Variants in SETDB1 observed in about 807,000 individuals in gnomAD.
SETDB1 encodes SET domain bifurcated histone lysine methyltransferase 1.
A neutral mutation model predicts 137.4 loss-of-function variants in SETDB1; 31 were observed. The ratio of observed to expected loss-of-function variants is 0.23; its 90% CI spans 0.17 to 0.30. The LOEUF is 0.30. Ranked by LOEUF, SETDB1 falls within the 10% of genes least tolerant of loss-of-function variation. The probability of loss-of-function intolerance (pLI) is 1.00; values close to 1 mark genes in which losing one functional copy is unlikely to be tolerated. For synonymous variants in SETDB1, 548 were observed against 579.9 expected (o/e 0.95, Z 0.79); for missense variants, 1,113 against 1,631.5 (o/e 0.68, Z 5.47).
At chr1:150,935,117 G>A (rs1189136312) in intron 3 of SETDB1, among the ~76,000 whole-genome samples, 1 of 152,178 alleles carries the variant, frequency 6.6e-6, no homozygotes, top group Non-Finnish European at 1.5e-5. Context: ...CACTGTGCCC[G>A]GCCCTACCTG....
chr1:150,936,410 G>T lies in SETDB1; in HGVS notation c.413-3530G>T, dbSNP rs781744534. ...GCGAATGCATTCAGAGTTACATTTA[G>T]TTCTGACGTCTCCCTTGGCTTTGAC... is the stretch of plus-strand genomic sequence containing the variant. On this transcript the variant is annotated intron_variant, in intron 3 of 21. Coordinates refer to ENST00000692827, the MANE Select transcript of SETDB1 (RefSeq NM_001366418.1). Among the ~76,000 whole-genome samples the T allele has an allele frequency of 3.3e-4, 50 of 152,138 alleles. 2 individuals carry two copies. The highest frequency in any genetic ancestry group is 8.3e-4 in the South Asian group (4 of 4,832).
At chr1:150,952,654 G>A (rs587626061) in intron 14 of SETDB1, among the ~76,000 whole-genome samples, 235 of 151,888 alleles carry the variant, frequency 1.5e-3, no homozygotes, top group African/African-American at 5.5e-3. Context: ...TGAGGCGGGC[G>A]GATCACCTGA....
rs141840418 is a variant in SETDB1, at chr1:150,927,954, A to T, written c.240A>T (p.Gln80His). ...AATCTGAGGTGGCTCACGTTGACCA[A>T]CTCTTTGATGATGCATCCAGGTGAG... is the stretch of plus-strand genomic sequence containing the variant. ...QKESEVAHVD[Q>H]LFDDASRAVT... Residue 80 changes from glutamine (Q) to histidine (H), a missense_variant, in exon 2 of 22, where the codon CAA becomes CAT. This residue lies in a region of SETDB1 where 159 missense variants were observed against 188.6 expected (regional missense o/e 0.84). Coordinates refer to ENST00000692827, the MANE Select transcript of SETDB1 (RefSeq NM_001366418.1). 2.2e-5 allele frequency: 36 copies of T among 1,614,002 alleles called. No individual in the cohort carries two copies. The highest frequency in any genetic ancestry group is 3.3e-5 in the Admixed American group (2 of 59,984).
chr1:150,941,318 C>T lies in SETDB1; in HGVS notation c.448-11C>T, dbSNP rs1222399823. On this transcript the variant is annotated splice_polypyrimidine_tract_variant and intron_variant, in intron 4 of 21. Coordinates refer to ENST00000692827, the MANE Select transcript of SETDB1 (RefSeq NM_001366418.1). The stretch of plus-strand genomic sequence containing the variant: ...TTTCAAAACTTGTTTTCCTCATCCC[C>T]TTTTCTACAGCTCCGTGAAGCTATG... 8.8e-6 allele frequency: 14 copies of T among 1,583,122 alleles called. No individual in the cohort carries two copies. Among genetic ancestry groups the T allele is most frequent in the Non-Finnish European group, 1.2e-5 (14 of 1,152,922 alleles).
rs1243552842 is a variant in SETDB1 at position 150,963,025 on chromosome 1, A to G, written c.3346A>G (p.Ser1116Gly). 2 of 1,614,186 alleles carry G rather than the reference A, an allele frequency of 1.2e-6. No individual in the cohort carries two copies. Among genetic ancestry groups the G allele is most frequent in the South Asian group, 1.1e-5 (1 of 91,090 alleles). ...STESEGESGT[S>G]RKPTAGQTSA... ...AGAAAGTGAGGGGGAAAGTGGGACCAGCCGAAAGCCCACTGCTGGTCAGAC... is the reference window on the plus strand; with the variant it reads ...AGAAAGTGAGGGGGAAAGTGGGACCGGCCGAAAGCCCACTGCTGGTCAGAC... The change falls in exon 19 of 22, where the codon AGC (serine) becomes GGC (glycine). Residue 1116 changes from serine to glycine, a missense_variant. Physicochemically the swap from Ser to Gly is moderately conservative, Grantham distance 56 (BLOSUM62 0). Transcript: ENST00000692827.
Position 150,942,894 on chromosome 1 carries a change from A to G in SETDB1, c.716A>G (p.Lys239Arg), listed in dbSNP as rs1670207649. Residue 239 changes from lysine to arginine, a missense_variant, in exon 7 of 22, where the codon AAG becomes AGG. Lys to Arg is a conservative substitution (Grantham distance 26, BLOSUM62 2). Transcript: ENST00000692827. ...AAGGTGAAATTTGACAACAAAGGAA[A>G]GAGTCTACTGTCGGGGAACCATATT... ...KYKVKFDNKG[K>R]SLLSGNHIAY... The G allele has an allele frequency of 6.2e-7, 1 of 1,614,230 alleles. No individual in the cohort carries two copies.
intron 14 of SETDB1, among the ~76,000 whole-genome samples, chr1:150,956,567 C>T (rs1219473668): frequency 6.6e-6 from 1 of 152,118 alleles, no homozygotes; most frequent in Non-Finnish European, 1.5e-5. Flanking sequence ...CCCCCATGTC[C>T]CCAGTGGGGT....
Position 150,964,065 on chromosome 1 carries a change from T to C in SETDB1, c.3743T>C (p.Val1248Ala). ...ACCCATGATCTTCGCTTCCCCTGGG[T>C]GGCCTTCTTTGCCAGCAAGTAAGGA... The part of the protein sequence containing the change: ...VDTHDLRFPW[V>A]AFFASKRIRA... The change falls in exon 21 of 22, where the codon GTG (valine) becomes GCG (alanine). Residue 1248 changes from valine (V) to alanine (A), a missense_variant. By Grantham distance (64) the Val-to-Ala change is moderately conservative. Transcript: ENST00000692827. 1 of 1,614,078 alleles carries C rather than the reference T, an allele frequency of 6.2e-7. No individual in the cohort carries two copies. Among genetic ancestry groups the C allele is most frequent in the Non-Finnish European group, 8.5e-7 (1 of 1,179,966 alleles).
intron 1 of SETDB1, chr1:150,926,895 CAT>C: frequency 1.9e-6 from 1 of 516,154 alleles, no homozygotes; most frequent in East Asian, 5.5e-5. Flanking sequence ...GTTTGAATAT[CAT>C]AGACTTTTTA....
rs1468618751 is a variant in SETDB1 at position 150,956,833 on chromosome 1, A to AT, written c.2334-2345_2334-2344insT. 2.6e-5 allele frequency among the ~76,000 whole-genome samples: 4 copies of AT among 152,182 alleles called. No homozygotes were observed. In the East Asian group the frequency reaches 7.7e-4, roughly 29 times the overall value. On this transcript the variant is annotated intron_variant, in intron 14 of 21. Transcript: ENST00000692827. The stretch of plus-strand genomic sequence containing the variant: ...AATCTTTTTTAAAGTTAGAAAAAAA[A>AT]GCTAGACATGGTGGCTCACACCTGT...
intron 13 of SETDB1, 54 bp from the exon 14 acceptor site, chr1:150,951,311 A>G: frequency 6.0e-6 from 8 of 1,334,654 alleles, no homozygotes; most frequent in Non-Finnish European, 8.6e-6. Context: ...GTATTGTGTT[A>G]TTTTTGTTCT....
intron 9 of SETDB1, among the ~76,000 whole-genome samples, chr1:150,946,208 C>T (rs587722005): frequency 1.6e-4 from 24 of 151,218 alleles, no homozygotes; most frequent in Middle Eastern, 3.5e-3. Flanking sequence ...TTAGTAGAGA[C>T]GGGTTTCGCC....
At chr1:150,935,133 T>C (rs934374855) in intron 3 of SETDB1, among the ~76,000 whole-genome samples, 3 of 152,234 alleles carry the variant, frequency 2.0e-5, no homozygotes, top group Non-Finnish European at 4.4e-5. Flanking sequence ...ACCTGGGATA[T>C]AGAATTCTTG....
intron 16 of SETDB1, chr1:150,961,392 C>G: frequency 1.8e-6 from 1 of 567,044 alleles, no homozygotes. Flanking sequence ...GTGGCTCACA[C>G]CTGTAATCCC....
intron 14 of SETDB1, among the ~76,000 whole-genome samples, chr1:150,957,645 T>C (rs145566206): frequency 1.4e-3 from 219 of 152,348 alleles, no homozygotes; most frequent in African/African-American, 5.0e-3. Flanking sequence ...CTTCCTTTAA[T>C]GTTGGTATGT....
At chr1:150,928,097 A>G in intron 2 of SETDB1, 123 bp downstream of exon 2, 1 of 1,212,186 alleles carries the variant, frequency 8.2e-7, no homozygotes, top group Non-Finnish European at 1.2e-6. Flanking sequence ...TCGCTCTGTC[A>G]CCCAAGCTAG....
In SETDB1 at chr1:150,960,708, T is replaced by C; in HGVS notation, c.2649T>C (p.Gly883=). The change falls in exon 16 of 22, where the codon GGT becomes GGC. Residue 883 remains glycine, a synonymous_variant. Transcript: ENST00000692827. ...CCCCCTGTTCCTCTGACAGCAGTGG[T>C]GTAGACTTGAAGGACCAGGAAGATG... The part of the protein sequence containing the change: ...SDAPCSSDSS[G]VDLKDQEDGN... The C allele has an allele frequency of 6.2e-7, 1 of 1,611,510 alleles. No homozygotes were observed. Among genetic ancestry groups the C allele is most frequent in the Non-Finnish European group, 8.5e-7 (1 of 1,178,896 alleles).
intron 11 of SETDB1, 37 bp downstream of exon 11, chr1:150,949,315 A>C (rs1393195914): frequency 6.2e-7 from 1 of 1,612,330 alleles, no homozygotes; most frequent in Admixed American, 1.7e-5. Context: ...AGTTTCTTTC[A>C]TATTATATTT....
chr1:150,963,892 G>C (rs1336290631), intron 20 of SETDB1, 103 bp from the exon 21 acceptor site: 1 of 1,282,734 alleles, frequency 7.8e-7, no homozygotes, highest in Non-Finnish European at 1.1e-6. Flanking sequence ...CTATTATAAT[G>C]GGGAGGGTCA....
Sources: gnomAD v4.1 joint callset for allele counts (sites outside exome capture counted in the v4.1 genomes callset) on GRCh38, gnomAD v4.1.1 for gene constraint, gnomAD v4.1.1 regional missense constraint, MANE v1.5 for transcripts, NCBI Gene and HGNC (gene_info 2026-07-23, HGNC 2026-07-21) for gene names.